Variants in GABBR1 observed in about 807,000 individuals in gnomAD.
GABBR1 encodes gamma-aminobutyric acid type B receptor subunit 1.
Under a neutral mutation model 117.7 loss-of-function variants are expected in GABBR1, and 35 were observed. The ratio of observed to expected loss-of-function variants is 0.30; its 90% CI spans 0.23 to 0.39. GABBR1 has a LOEUF of 0.39. Ranked by LOEUF, GABBR1 falls within the 10% of genes least tolerant of loss-of-function variation. The pLI, the probability that GABBR1 is intolerant of heterozygous loss-of-function variation, is 1.00. For missense variants in GABBR1, 709 were observed against 1,241.8 expected, an observed-to-expected ratio of 0.57 and a Z score of 6.45; for synonymous variants, 442 against 486.6, an observed-to-expected ratio of 0.91 and a Z score of 1.21.
chr6:29,608,761 GGAGA>G, intron 15 of GABBR1, 28 bp from the exon 16 acceptor site: 1 of 1,607,856 alleles, frequency 6.2e-7, no homozygotes, highest in Non-Finnish European at 8.5e-7. Context: ...AGGGTGAGAG[GGAGA>G]GAGAATTACC....
intron 12 of GABBR1, among the ~76,000 whole-genome samples, chr6:29,612,962 T>C (rs1762706401): frequency 6.6e-6 from 1 of 152,214 alleles, no homozygotes; most frequent in South Asian, 2.1e-4. Flanking sequence ...TCAGACTGTT[T>C]TGTCTTTCAA....
Position 29,613,364 on chromosome 6 carries a change from T to G in GABBR1, c.1445A>C (p.Asn482Thr). The G allele has an allele frequency of 6.2e-7, 1 of 1,613,122 alleles. No individual in the cohort carries two copies. Among genetic ancestry groups the G allele is most frequent in the Non-Finnish European group, 8.5e-7 (1 of 1,180,034 alleles). Residue 482 changes from asparagine to threonine, a missense_variant, in exon 12 of 23, where the codon AAC becomes ACC. Physicochemically the swap from Asn to Thr is moderately conservative, Grantham distance 65. Coordinates refer to ENST00000377034, the MANE Select transcript of GABBR1 (RefSeq NM_001470.4). This position sits in a 1 kb window ranked among gnomAD's most constrained non-coding sequence, Gnocchi z 4.1. The part of the protein sequence containing the change: ...DAIWALALAL[N>T]KTSGGGGRSG... Reference sequence around the variant, plus strand: ...ACGGCCGCCTCCTCCAGATGTCTTGTTCAGGGCCAGTGCCAAGGCCCAGAT... The same window carrying G: ...ACGGCCGCCTCCTCCAGATGTCTTGGTCAGGGCCAGTGCCAAGGCCCAGAT...
chr6:29,632,532 G>A lies in GABBR1; in HGVS notation c.1-147C>T. 2.2e-6 allele frequency: 2 copies of A among 914,316 alleles called. No homozygotes were observed. Among genetic ancestry groups the A allele is most frequent in the Non-Finnish European group, 3.1e-6 (2 of 654,180 alleles). 56.6% of individuals were successfully genotyped at this position (914,316 alleles called of 1,614,324 possible). ...GAGAGCGCCCCGCGGAGGAGGCGGG[G>A]GCGGAGCCCCGCGCGGGGTGGGGGG... On this transcript the variant is annotated intron_variant, in intron 1 of 22. Transcript: ENST00000377034. The surrounding 1 kb of genome is among the most constrained non-coding windows in gnomAD (Gnocchi z 5.8).
In GABBR1 at chr6:29,609,311, T is replaced by C; in HGVS notation, c.1777A>G (p.Ile593Val). The change falls in exon 15 of 23, where the codon ATC (isoleucine) becomes GTC (valine). Residue 593 changes from isoleucine (I) to valine (V), a missense_variant. Ile to Val is a conservative substitution (Grantham distance 29). Transcript: ENST00000377034. The surrounding 1 kb of genome is among the most constrained non-coding windows in gnomAD (Gnocchi z 4.3). ...TFRFLSQKLF[I>V]SVSVLSSLGI... The stretch of plus-strand genomic sequence containing the variant: ...AGGCTGGAGAGAACTGAGACGGAGA[T>C]AAAGAGTTTCTGTGACAGGAAGCGG... 4 of 1,612,774 alleles carry C rather than the reference T, an allele frequency of 2.5e-6. No homozygotes were observed. Among genetic ancestry groups the C allele is most frequent in the Non-Finnish European group, 3.4e-6 (4 of 1,179,916 alleles).
intron 11 of GABBR1, among the ~76,000 whole-genome samples, chr6:29,616,983 TAAAAAAAAAAAAA>T (rs28383952): frequency 4.2e-5 from 3 of 71,676 alleles, no homozygotes; most frequent in Non-Finnish European, 5.9e-5. Context: ...CCGTCTCTAC[TAAAAAAAAAAAAA>T]AAAAAAAAAA....
Position 29,609,387 on chromosome 6 carries a change from G to A in GABBR1, c.1709-8C>T. 1 of 1,612,238 alleles carries A rather than the reference G, an allele frequency of 6.2e-7. No homozygotes were observed. ...CAGCTGGGGGGGACCCTCCTGCATG[G>A]CACAGGGGAGGAAGAGGGGAAGGGA... On this transcript the variant is annotated splice_region_variant and splice_polypyrimidine_tract_variant and intron_variant, in intron 14 of 22. Coordinates refer to ENST00000377034, the MANE Select transcript of GABBR1 (RefSeq NM_001470.4). This position sits in a 1 kb window ranked among gnomAD's most constrained non-coding sequence, Gnocchi z 4.3.
In GABBR1 at chr6:29,632,891, A is replaced by C. The variant is rs1217788224; in HGVS notation, c.-42T>G. 8.1e-6 allele frequency: 2 copies of C among 245,570 alleles called. No individual in the cohort carries two copies. The highest frequency in any genetic ancestry group is 2.5e-5 in the African/African-American group (1 of 40,792). 15.2% of individuals were successfully genotyped at this position (245,570 alleles called of 1,614,324 possible). A position where few individuals can be genotyped will look rare whatever the true frequency, so the allele number is the denominator to read the frequency against. On this transcript the variant is annotated 5_prime_UTR_variant, in exon 1 of 23. Coordinates refer to ENST00000377034, the MANE Select transcript of GABBR1 (RefSeq NM_001470.4). This position sits in a 1 kb window ranked among gnomAD's most constrained non-coding sequence, Gnocchi z 5.8. ...GGCTCCCCGGCTCTCCCCGGGCCTC[A>C]AGGCCCCAGGCCCGGCCGCTCCTCC...
At chr6:29,614,473 C>A (rs1332674310) in intron 11 of GABBR1, among the ~76,000 whole-genome samples, 2 of 152,210 alleles carry the variant, frequency 1.3e-5, no homozygotes, top group African/African-American at 2.4e-5. Flanking sequence ...GTTCCTCATG[C>A]CTTGCTCACT....
At chr6:29,615,010 G>A (rs1762931823) in intron 11 of GABBR1, among the ~76,000 whole-genome samples, 1 of 145,342 alleles carries the variant, frequency 6.9e-6, no homozygotes, top group Non-Finnish European at 1.5e-5. Flanking sequence ...AAAAGGCCAG[G>A]CACAGTGGCT....
chr6:29,609,317 G>T lies in GABBR1; in HGVS notation c.1771C>A (p.Leu591Ile). Reference protein sequence around the residue: ...IKTFRFLSQKLFISVSVLSSL... With the variant: ...IKTFRFLSQKIFISVSVLSSL... ...GAGAGAACTGAGACGGAGATAAAGA[G>T]TTTCTGTGACAGGAAGCGGAATGTC... is the stretch of plus-strand genomic sequence containing the variant. The change falls in exon 15 of 23, where the codon CTC becomes ATC. Residue 591 changes from leucine (L) to isoleucine (I), a missense_variant. By Grantham distance (5) the Leu-to-Ile change is conservative. Coordinates refer to ENST00000377034, the MANE Select transcript of GABBR1 (RefSeq NM_001470.4). The surrounding 1 kb of genome is among the most constrained non-coding windows in gnomAD (Gnocchi z 4.3). 6.2e-7 allele frequency: 1 copy of T among 1,613,056 alleles called. No individual in the cohort carries two copies. Among genetic ancestry groups the T allele is most frequent in the East Asian group, 2.2e-5 (1 of 44,880 alleles).
chr6:29,628,871 A>T (rs1479331507), intron 5 of GABBR1, among the ~76,000 whole-genome samples: 1 of 151,688 alleles, frequency 6.6e-6, no homozygotes, highest in Non-Finnish European at 1.5e-5. Context: ...AAGTGTAGCC[A>T]AGCAGGGACA....
intron 11 of GABBR1, among the ~76,000 whole-genome samples, chr6:29,616,398 G>A (rs988772071): frequency 2.7e-5 from 4 of 148,742 alleles, no homozygotes; most frequent in South Asian, 2.1e-4. Context: ...AAAATTAGCC[G>A]GACTTGGCTT....
chr6:29,618,711 A>T (rs1182911005), intron 11 of GABBR1, among the ~76,000 whole-genome samples: 1 of 151,942 alleles, frequency 6.6e-6, no homozygotes, highest in South Asian at 2.1e-4. Flanking sequence ...AACCACTCTA[A>T]CCCACTCTCC....
chr6:29,623,838 T>C lies in GABBR1; in HGVS notation c.792+52A>G. 3 of 1,584,010 alleles carry C rather than the reference T, an allele frequency of 1.9e-6. No individual in the cohort carries two copies. The South Asian group carries it at 3.4e-5, about 18-fold the overall frequency. ...CCCACAATCGCCATCGTCCCTTCAG[T>C]AGAGCTCAAAAGGGAATGACCCCAT... On this transcript the variant is annotated intron_variant, in intron 7 of 22. Transcript: ENST00000377034. This position sits in a 1 kb window ranked among gnomAD's most constrained non-coding sequence, Gnocchi z 6.2.
Position 29,605,479 on chromosome 6 carries a change from T to C in GABBR1, c.2439+90A>G. The C allele has an allele frequency of 2.0e-6, 3 of 1,482,874 alleles. No homozygotes were observed. Among genetic ancestry groups the C allele is most frequent in the Non-Finnish European group, 2.8e-6 (3 of 1,089,290 alleles). 91.9% of individuals were successfully genotyped at this position (1,482,874 alleles called of 1,614,324 possible). On this transcript the variant is annotated intron_variant, in intron 20 of 22. Transcript: ENST00000377034. This position sits in a 1 kb window ranked among gnomAD's most constrained non-coding sequence, Gnocchi z 4.2. ...CTTTTTAAGACTTCTAAGCAACCGA[T>C]CCCAGATCTAGCATTGATTCTTCCT...
At position 29,609,405 on chromosome 6, in the gene GABBR1, G is replaced by A; in HGVS notation, c.1709-26C>T. ...CTGCATGGCACAGGGGAGGAAGAGG[G>A]GAAGGGAAAAGAGAAGGGAAGGAGG... is the stretch of plus-strand genomic sequence containing the variant. On this transcript the variant is annotated intron_variant, in intron 14 of 22. Transcript: ENST00000377034. This position sits in a 1 kb window ranked among gnomAD's most constrained non-coding sequence, Gnocchi z 4.3. 2 of 1,609,684 alleles carry A rather than the reference G, an allele frequency of 1.2e-6. No homozygotes were observed. Among genetic ancestry groups the A allele is most frequent in the Non-Finnish European group, 1.7e-6 (2 of 1,177,458 alleles).
Position 29,630,599 on chromosome 6 carries a change from C to T in GABBR1, c.334G>A (p.Val112Ile), listed in dbSNP as rs745804961. 2 of 1,612,986 alleles carry T rather than the reference C, an allele frequency of 1.2e-6. No individual in the cohort carries two copies. The highest frequency in any genetic ancestry group is 1.7e-6 in the Non-Finnish European group (2 of 1,179,938). ...GGGAGGTCCCCACCCGTCAGGAAAA[C>T]CTTCCCATTTTCCAGGGTCAAATAA... ...KSYLTLENGK[V>I]FLTGGDLPAL... The change falls in exon 4 of 23, where the codon GTT (valine) becomes ATT (isoleucine). Residue 112 changes from valine (V) to isoleucine (I), a missense_variant. By Grantham distance (29) the Val-to-Ile change is conservative (BLOSUM62 3). This residue lies in a region of GABBR1 where 101 missense variants were observed against 132.3 expected (regional missense o/e 0.76). Coordinates refer to ENST00000377034, the MANE Select transcript of GABBR1 (RefSeq NM_001470.4). The surrounding 1 kb of genome is among the most constrained non-coding windows in gnomAD (Gnocchi z 4.9).
chr6:29,603,316 G>T lies in GABBR1; in HGVS notation c.*227C>A, dbSNP rs1435247098. 1 of 697,608 alleles carries T rather than the reference G, an allele frequency of 1.4e-6. No individual in the cohort carries two copies. The highest frequency in any genetic ancestry group is 2.6e-6 in the Non-Finnish European group (1 of 380,786). 43.2% of individuals were successfully genotyped at this position (697,608 alleles called of 1,614,324 possible). ...CAGGTACGAACTAAATTGTGAAGAG[G>T]TGATACAAAATTACATGAAGCAGTA... is the stretch of plus-strand genomic sequence containing the variant. On this transcript the variant is annotated 3_prime_UTR_variant, in exon 23 of 23. Transcript: ENST00000377034.
Position 29,602,627 on chromosome 6 carries a change from G to A in GABBR1, c.*916C>T. ...GGAAAAGTGCATAACAATGTGCAGG[G>A]TAGGGTACATATGGCTCTGTCAGAA... On this transcript the variant is annotated 3_prime_UTR_variant, in exon 23 of 23. Transcript: ENST00000377034. 1 of 250,508 alleles carries A rather than the reference G, an allele frequency of 4.0e-6. No individual in the cohort carries two copies. The highest frequency in any genetic ancestry group is 7.9e-6 in the Non-Finnish European group (1 of 127,296). 15.5% of individuals were successfully genotyped at this position (250,508 alleles called of 1,614,324 possible).
Sources: allele counts gnomAD v4.1 joint callset (sites outside exome capture counted in the v4.1 genomes callset), GRCh38; gene constraint gnomAD v4.1.1; regional missense constraint gnomAD v4.1.1; non-coding constraint Gnocchi (gnomAD v3.1); transcripts MANE v1.5; gene names NCBI Gene and HGNC (gene_info 2026-07-23, HGNC 2026-07-21).